Variants in SLIT2 observed in about 807,000 individuals in gnomAD.
SLIT2 encodes the protein slit homolog 2 protein.
Under a neutral mutation model 185.7 loss-of-function variants are expected in SLIT2, and 41 were observed. That is an observed-to-expected ratio of 0.22 (90% CI 0.17 to 0.29). The LOEUF is 0.29. SLIT2 is among the 10% of genes least tolerant of loss of function. SLIT2 has a pLI of 1.00. For missense variants in SLIT2, 1,571 were observed against 1,909.0 expected, an observed-to-expected ratio of 0.82 and a Z score of 3.30; for synonymous variants, 693 against 680.2, an observed-to-expected ratio of 1.02 and a Z score of -0.29.
At chr4:20,283,116 G>GCC (rs1714942165) in intron 4 of SLIT2, among the ~76,000 whole-genome samples, 1 of 119,624 alleles carries the variant, frequency 8.4e-6, no homozygotes, top group South Asian at 2.8e-4. Flanking sequence ...CTGTGTGCGC[G>GCC]CGCGCACACA....
At chr4:20,485,382 A>G (rs1459130210) in intron 6 of SLIT2, among the ~76,000 whole-genome samples, 2 of 152,164 alleles carry the variant, frequency 1.3e-5, no homozygotes, top group Non-Finnish European at 2.9e-5. Flanking sequence ...TGATGAATGA[A>G]TGAGTAGTAA....
At position 20,354,208 on chromosome 4, in the gene SLIT2, GTTTT is replaced by G. The variant is rs200060207; in HGVS notation, c.395+85332_395+85335del. The stretch of plus-strand genomic sequence containing the variant: ...ATGCTAAATTAAGACGGAAAGGTAG[GTTTT>G]TTTTCTTTTTTTTTTTAACTTTTCC... On this transcript the variant is annotated intron_variant, in intron 4 of 36. Coordinates refer to ENST00000504154, the MANE Select transcript of SLIT2 (RefSeq NM_004787.4). 2.0e-5 allele frequency among the ~76,000 whole-genome samples: 3 copies of G among 148,524 alleles called. No individual in the cohort carries two copies. The East Asian group carries it at 5.9e-4, about 29-fold the overall frequency.
intron 4 of SLIT2, among the ~76,000 whole-genome samples, chr4:20,449,004 A>G (rs1162744365): frequency 6.6e-6 from 1 of 152,160 alleles, no homozygotes; most frequent in Non-Finnish European, 1.5e-5. Flanking sequence ...AATCATTTCT[A>G]GAGGGACTTA....
chr4:20,576,905 A>G (rs778389976), intron 29 of SLIT2, among the ~76,000 whole-genome samples: 3 of 152,040 alleles, frequency 2.0e-5, no homozygotes, highest in Non-Finnish European at 4.4e-5. Context: ...TGGCTATATT[A>G]TTTAGCCTCA....
chr4:20,375,805 G>C lies in SLIT2; in HGVS notation c.396-91947G>C, dbSNP rs61789396. 2.0e-5 allele frequency among the ~76,000 whole-genome samples: 3 copies of C among 151,854 alleles called. No homozygotes were observed. In the East Asian group the frequency reaches 5.8e-4, roughly 29 times the overall value. On this transcript the variant is annotated intron_variant, in intron 4 of 36. Coordinates refer to ENST00000504154, the MANE Select transcript of SLIT2 (RefSeq NM_004787.4). ...TAGATGTCTGAAGGAAAAAAAAAGG[G>C]ACAGTGTCATACATAAAAATGCACT... is the stretch of plus-strand genomic sequence containing the variant.
chr4:20,332,549 G>T (rs1009973353), intron 4 of SLIT2, among the ~76,000 whole-genome samples: 2 of 152,052 alleles, frequency 1.3e-5, no homozygotes, highest in African/African-American at 4.8e-5. Flanking sequence ...GGGTGTTATG[G>T]CAGGCACCTA....
At chr4:20,362,789 CTT>C (rs1198802131) in intron 4 of SLIT2, among the ~76,000 whole-genome samples, 1 of 151,942 alleles carries the variant, frequency 6.6e-6, no homozygotes, top group Admixed American at 6.6e-5. Flanking sequence ...ATCTCAAAGA[CTT>C]TGCTTTGTTG....
chr4:20,588,471 C>A (rs1727250685), intron 29 of SLIT2, among the ~76,000 whole-genome samples: 1 of 152,154 alleles, frequency 6.6e-6, no homozygotes, highest in Admixed American at 6.5e-5. Flanking sequence ...GATGCTGTTA[C>A]AAATGACAGT....
chr4:20,473,207 T>C (rs1167001358), intron 5 of SLIT2, among the ~76,000 whole-genome samples: 1 of 141,364 alleles, frequency 7.1e-6, no homozygotes, highest in Non-Finnish European at 1.6e-5. Flanking sequence ...AAATATATAT[T>C]TTTCCAGTTT....
At chr4:20,468,846 A>G (rs920816263) in intron 5 of SLIT2, among the ~76,000 whole-genome samples, 3 of 140,852 alleles carry the variant, frequency 2.1e-5, no homozygotes, top group Non-Finnish European at 4.7e-5. Context: ...GTTGGATCCA[A>G]TGCCTTTTTT....
At chr4:20,607,185 CACCTAAGGTCACA>C (rs1728857784) in intron 33 of SLIT2, among the ~76,000 whole-genome samples, 1 of 152,154 alleles carries the variant, frequency 6.6e-6, no homozygotes, top group African/African-American at 2.4e-5. Context: ...GAAGAAAAAT[CACCTAAGGTCACA>C]CTAACCAAAG....
At chr4:20,403,933 G>C (rs1726558716) in intron 4 of SLIT2, among the ~76,000 whole-genome samples, 1 of 150,956 alleles carries the variant, frequency 6.6e-6, no homozygotes. Context: ...ACACCCATAA[G>C]TTGGAAGTTT....
At chr4:20,387,515 A>C (rs1000928641) in intron 4 of SLIT2, among the ~76,000 whole-genome samples, 7 of 152,162 alleles carry the variant, frequency 4.6e-5, no homozygotes, top group African/African-American at 1.4e-4. Flanking sequence ...CAATCTTGAA[A>C]TATCTCAGTG....
At position 20,542,617 on chromosome 4, in the gene SLIT2, T is replaced by C; in HGVS notation, c.2267T>C (p.Val756Ala). 1 of 1,613,790 alleles carries C rather than the reference T, an allele frequency of 6.2e-7. No homozygotes were observed. The highest frequency in any genetic ancestry group is 8.5e-7 in the Non-Finnish European group (1 of 1,179,756). Residue 756 changes from valine (V) to alanine (A), a missense_variant, in exon 21 of 37, where the codon GTC becomes GCC. This residue lies in a region of SLIT2 where 1,202 missense variants were observed against 1,416.4 expected (regional missense o/e 0.85). Transcript: ENST00000504154. Reference protein sequence around the residue: ...KVLPKGIPRDVTELYLDGNQF... With the variant: ...KVLPKGIPRDATELYLDGNQF... ...TTGCCGAAAGGTATTCCAAGAGATG[T>C]CACAGAGTTGTAAGTAGAGCTTGTC...
At chr4:20,472,745 A>G (rs1412365735) in intron 5 of SLIT2, among the ~76,000 whole-genome samples, 1 of 148,228 alleles carries the variant, frequency 6.7e-6, no homozygotes, top group Non-Finnish European at 1.5e-5. Context: ...TTTGTTTTCA[A>G]GTATCTATTA....
intron 4 of SLIT2, among the ~76,000 whole-genome samples, chr4:20,292,487 C>T (rs1716049872): frequency 6.6e-6 from 1 of 151,902 alleles, no homozygotes; most frequent in South Asian, 2.1e-4. Flanking sequence ...TGAGACCTGT[C>T]TCAAAAGAAG....
intron 4 of SLIT2, among the ~76,000 whole-genome samples, chr4:20,405,821 A>G (rs1726733625): frequency 6.6e-6 from 1 of 152,040 alleles, no homozygotes. Context: ...ATTTTTCTCA[A>G]TATTAGGACA....
chr4:20,462,792 G>C (rs1236562691), intron 4 of SLIT2, among the ~76,000 whole-genome samples: 1 of 152,106 alleles, frequency 6.6e-6, no homozygotes, highest in Non-Finnish European at 1.5e-5. Context: ...CACTGACACA[G>C]TAGTTCTGAC....
intron 4 of SLIT2, among the ~76,000 whole-genome samples, chr4:20,344,450 CTCTG>C (rs921554602): frequency 3.3e-5 from 5 of 152,142 alleles, no homozygotes; most frequent in Admixed American, 6.5e-5. Flanking sequence ...CTTTCATTCT[CTCTG>C]TCTTTCTGCC....
Sources: allele counts gnomAD v4.1 joint callset (sites outside exome capture counted in the v4.1 genomes callset), GRCh38; gene constraint gnomAD v4.1.1; regional missense constraint gnomAD v4.1.1; transcripts MANE v1.5; gene names NCBI Gene and HGNC (gene_info 2026-07-23, HGNC 2026-07-21).